Variants in DYNLT5 observed in about 807,000 individuals in gnomAD.
DYNLT5 encodes the protein dynein light chain Tctex-type 5.
In DYNLT5, 25 loss-of-function variants were observed where a neutral mutation model predicts 19.3. The ratio of observed to expected loss-of-function variants is 1.30; its 90% CI spans 0.95 to 1.81. DYNLT5 has a LOEUF of 1.81. DYNLT5 is among the 40% of genes most tolerant of loss of function. DYNLT5 has a pLI of 0.00. For missense variants in DYNLT5, 232 were observed against 217.9 expected, an observed-to-expected ratio of 1.06 and a Z score of -0.41; for synonymous variants, 82 against 68.9, an observed-to-expected ratio of 1.19 and a Z score of -0.94.
chr1:66,756,530 T>G (rs1276232994), intron 2 of DYNLT5, among the ~76,000 whole-genome samples: 1 of 152,210 alleles, frequency 6.6e-6, no homozygotes, highest in Non-Finnish European at 1.5e-5. Context: ...TGAAAATTAC[T>G]TTAAAACAAT....
intron 3 of DYNLT5, 61 bp from the exon 4 acceptor site, chr1:66,776,218 T>C: frequency 6.3e-7 from 1 of 1,577,546 alleles, no homozygotes; most frequent in African/African-American, 1.3e-5. Flanking sequence ...GATTAGCCTA[T>C]GGGGTGGGTG....
At chr1:66,756,940 C>G (rs2094637021) in intron 2 of DYNLT5, among the ~76,000 whole-genome samples, 1 of 152,242 alleles carries the variant, frequency 6.6e-6, no homozygotes, top group African/African-American at 2.4e-5. Context: ...GCTTTCTTCA[C>G]TTCTTCCATC....
intron 2 of DYNLT5, among the ~76,000 whole-genome samples, chr1:66,769,364 T>C (rs1645188097): frequency 6.6e-6 from 1 of 152,186 alleles, no homozygotes; most frequent in South Asian, 2.1e-4. Context: ...TTTCTTAAAA[T>C]ATCGATTTGC....
rs562835814 is a variant in DYNLT5, at chr1:66,776,467, C to T, written c.336+64C>T. ...GAATATTTGCTAAAGTACAACGGACCCTCTACTTTTTTGATGAGGGGAATT... is the reference window on the plus strand; with the variant it reads ...GAATATTTGCTAAAGTACAACGGACTCTCTACTTTTTTGATGAGGGGAATT... On this transcript the variant is annotated intron_variant, in intron 4 of 4. Coordinates refer to ENST00000282670, the MANE Select transcript of DYNLT5 (RefSeq NM_152665.3). The T allele has an allele frequency of 4.0e-5, 61 of 1,514,744 alleles. No homozygotes were observed. The African/African-American group carries it at 8.0e-4, about 20-fold the overall frequency. The allele number at this position is 1,514,744 out of a possible 1,614,324, so 93.8% of individuals were successfully genotyped here.
At chr1:66,776,121 T>C in intron 3 of DYNLT5, 158 bp from the exon 4 acceptor site, 1 of 903,916 alleles carries the variant, frequency 1.1e-6, no homozygotes, top group Non-Finnish European at 1.6e-6. Flanking sequence ...CTCAGAGCAC[T>C]TGACAGGAAA....
Position 66,774,777 on chromosome 1 carries a change from G to A in DYNLT5, c.212-1502G>A, listed in dbSNP as rs77357012. Among the ~76,000 whole-genome samples the A allele has an allele frequency of 6.0e-4, 92 of 152,148 alleles. 5 individuals carry two copies. The highest frequency in any genetic ancestry group is 1.7e-3 in the East Asian group (9 of 5,174). On this transcript the variant is annotated intron_variant, in intron 3 of 4. Coordinates refer to ENST00000282670, the MANE Select transcript of DYNLT5 (RefSeq NM_152665.3). ...TCCCCAATCTTGGGGTGGGAGGGGT[G>A]GGCTGACAACCTTACTTTCACTGGC...
intron 2 of DYNLT5, among the ~76,000 whole-genome samples, chr1:66,763,384 A>C (rs2094649143): frequency 6.6e-6 from 1 of 152,222 alleles, no homozygotes; most frequent in African/African-American, 2.4e-5. Context: ...CACAAGCTGC[A>C]TTAGCTGCTA....
Position 66,777,451 on chromosome 1 carries a change from G to A in DYNLT5, c.537G>A (p.Glu179=). 6.2e-7 allele frequency: 1 copy of A among 1,611,482 alleles called. No individual in the cohort carries two copies. Among genetic ancestry groups the A allele is most frequent in the South Asian group, 1.1e-5 (1 of 90,840 alleles). The stretch of plus-strand genomic sequence containing the variant: ...CAAATGTCTATGCAGTTTACCTTGA[G>A]TGATTGAAAATAAGAAATCTAGCTC... ...ALANVYAVYL[E] is the part of the protein sequence containing the mutation. The change falls in exon 5 of 5, where the codon GAG becomes GAA. Residue 179 remains glutamate (E), a synonymous_variant. Transcript: ENST00000282670.
At chr1:66,773,833 GA>G (rs529321635) in intron 3 of DYNLT5, among the ~76,000 whole-genome samples, 23 of 147,596 alleles carry the variant, frequency 1.6e-4, no homozygotes, top group South Asian at 4.3e-4. Flanking sequence ...TTCTCCTAAG[GA>G]AAAAAAAAAT....
chr1:66,755,161 G>A (rs1047572344), intron 2 of DYNLT5, among the ~76,000 whole-genome samples: 6 of 152,020 alleles, frequency 3.9e-5, no homozygotes, highest in Non-Finnish European at 8.8e-5. Context: ...ATATAATTTT[G>A]TCATGTATTT....
At chr1:66,760,717 C>T (rs1235326654) in intron 2 of DYNLT5, among the ~76,000 whole-genome samples, 3 of 152,188 alleles carry the variant, frequency 2.0e-5, no homozygotes, top group Non-Finnish European at 4.4e-5. Flanking sequence ...CCTGCACTAC[C>T]AGCATCACCT....
chr1:66,760,612 C>T (rs1349271663), intron 2 of DYNLT5, among the ~76,000 whole-genome samples: 1 of 152,198 alleles, frequency 6.6e-6, no homozygotes, highest in African/African-American at 2.4e-5. Flanking sequence ...TTTTAAAAAA[C>T]CCAAAAGAAC....
At chr1:66,753,136 G>A (rs1177166490) in intron 1 of DYNLT5, among the ~76,000 whole-genome samples, 1 of 152,010 alleles carries the variant, frequency 6.6e-6, no homozygotes, top group Non-Finnish European at 1.5e-5. Context: ...CACACTCAAG[G>A]ACGCTCACAC....
intron 2 of DYNLT5, among the ~76,000 whole-genome samples, chr1:66,768,914 C>A (rs764256416): frequency 1.3e-5 from 2 of 152,124 alleles, no homozygotes; most frequent in Non-Finnish European, 2.9e-5. Context: ...TGCCTCATTC[C>A]CTTTATCTCT....
Position 66,752,562 on chromosome 1 carries a change from C to G in DYNLT5, c.-26C>G. The G allele has an allele frequency of 1.0e-6, 1 of 985,494 alleles. No homozygotes were observed. The highest frequency in any genetic ancestry group is 1.2e-6 in the Non-Finnish European group (1 of 829,978). The allele number at this position is 985,494 out of a possible 1,614,324, so 61.0% of individuals were successfully genotyped here. On this transcript the variant is annotated 5_prime_UTR_variant, in exon 1 of 5. Coordinates refer to ENST00000282670, the MANE Select transcript of DYNLT5 (RefSeq NM_152665.3). ...GCAGTGCCGGAGGTCTGGGAGGCTC[C>G]GGGCGAAGCCTCCCTGCTGCAGGTA...
intron 2 of DYNLT5, among the ~76,000 whole-genome samples, chr1:66,757,193 A>G (rs1557869874): frequency 1.3e-5 from 2 of 152,230 alleles, no homozygotes; most frequent in African/African-American, 4.8e-5. Context: ...ACCTCCTTGA[A>G]AAGCTGCTTC....
intron 2 of DYNLT5, among the ~76,000 whole-genome samples, chr1:66,763,584 G>T (rs2094649567): frequency 6.6e-6 from 1 of 152,238 alleles, no homozygotes; most frequent in Admixed American, 6.5e-5. Context: ...GTAACTTGCT[G>T]CAGCTTCTAC....
At chr1:66,754,373 A>G (rs1169376722) in intron 1 of DYNLT5, among the ~76,000 whole-genome samples, 2 of 152,246 alleles carry the variant, frequency 1.3e-5, no homozygotes, top group Non-Finnish European at 2.9e-5. Context: ...TCTTTTGTCA[A>G]TGACCTCCGT....
chr1:66,777,217 T>G, intron 4 of DYNLT5, 34 bp from the exon 5 acceptor site: 2 of 1,569,184 alleles, frequency 1.3e-6, no homozygotes, highest in African/African-American at 2.7e-5. Context: ...TCAATGTAGC[T>G]GAATGAAGAC....
Sources: gnomAD v4.1 joint callset for allele counts (sites outside exome capture counted in the v4.1 genomes callset) on GRCh38, gnomAD v4.1.1 for gene constraint, MANE v1.5 for transcripts, NCBI Gene and HGNC (gene_info 2026-07-23, HGNC 2026-07-21) for gene names.